PCDHAC1: variants seen among roughly 807,000 people sequenced by gnomAD.
PCDHAC1 encodes protocadherin alpha-C1.
A neutral mutation model predicts 60.0 loss-of-function variants in PCDHAC1; 42 were observed. The ratio of observed to expected loss-of-function variants is 0.70; its 90% CI spans 0.55 to 0.90. PCDHAC1 has a LOEUF of 0.90. PCDHAC1 is among the 40% of genes least tolerant of loss of function. The pLI is 0.00. For missense variants in PCDHAC1, 1,160 were observed against 1,222.3 expected, an observed-to-expected ratio of 0.95 and a Z score of 0.76; for synonymous variants, 468 against 499.3, an observed-to-expected ratio of 0.94 and a Z score of 0.84.
rs538024116 is a variant in PCDHAC1 at position 140,945,235 on chromosome 5, T to C, written c.2433+15910T>C. Among the ~76,000 whole-genome samples the C allele has an allele frequency of 1.1e-4, 17 of 152,128 alleles. No homozygotes were observed. In the South Asian group the frequency reaches 3.5e-3, roughly 32 times the overall value. On this transcript the variant is annotated intron_variant, in intron 1 of 3. Coordinates refer to ENST00000253807, the MANE Select transcript of PCDHAC1 (RefSeq NM_018898.5). ...GAAAATAAAAATACTTAGGAATAAA[T>C]TTAACCAAGAGGATGAAAGACCTGC...
chr5:140,988,444 A>G (rs1554250146), intron 3 of PCDHAC1, among the ~76,000 whole-genome samples: 1 of 152,112 alleles, frequency 6.6e-6, no homozygotes, highest in Non-Finnish European at 1.5e-5. Flanking sequence ...GATTGACCTG[A>G]AGGGAGGAAG....
At chr5:140,941,195 C>T (rs1337267572) in intron 1 of PCDHAC1, among the ~76,000 whole-genome samples, 39 of 106,424 alleles carry the variant, frequency 3.7e-4, no homozygotes, top group Non-Finnish European at 4.9e-4. Context: ...CTTTTTTTTT[C>T]TTTCTTCCTT....
At chr5:140,938,214 G>C (rs2091981626) in intron 1 of PCDHAC1, among the ~76,000 whole-genome samples, 1 of 152,148 alleles carries the variant, frequency 6.6e-6, no homozygotes, top group Non-Finnish European at 1.5e-5. Context: ...CCAAAGTGCT[G>C]GGATTACAGG....
chr5:140,930,668 T>C (rs2087022080), intron 1 of PCDHAC1, among the ~76,000 whole-genome samples: 1 of 152,216 alleles, frequency 6.6e-6, no homozygotes, highest in South Asian at 2.1e-4. Flanking sequence ...GTTTTACTAT[T>C]CTAGGCAATA....
chr5:141,004,336 G>A (rs1554259546), intron 3 of PCDHAC1, among the ~76,000 whole-genome samples: 1 of 152,224 alleles, frequency 6.6e-6, no homozygotes, highest in East Asian at 1.9e-4. Flanking sequence ...AGGCACAGTG[G>A]TCTGTGAGGG....
intron 3 of PCDHAC1, among the ~76,000 whole-genome samples, chr5:140,988,691 G>A (rs1205492528): frequency 6.6e-6 from 1 of 152,114 alleles, no homozygotes; most frequent in African/African-American, 2.4e-5. Context: ...TTCCCTAGAC[G>A]CTCTGTATTT....
chr5:140,974,661 G>A (rs542677478), intron 1 of PCDHAC1, among the ~76,000 whole-genome samples: 4 of 152,066 alleles, frequency 2.6e-5, no homozygotes, highest in South Asian at 4.2e-4. Context: ...ACAGGCATGC[G>A]CCACCATGCC....
chr5:140,984,426 G>A (rs781888913), intron 3 of PCDHAC1, among the ~76,000 whole-genome samples: 2 of 152,160 alleles, frequency 1.3e-5, no homozygotes, highest in South Asian at 2.1e-4. Flanking sequence ...AGATAGAGAA[G>A]GGGATCTCCC....
At chr5:140,972,625 G>A (rs2096544051) in intron 1 of PCDHAC1, among the ~76,000 whole-genome samples, 1 of 151,044 alleles carries the variant, frequency 6.6e-6, no homozygotes, top group African/African-American at 2.4e-5. Flanking sequence ...AATGTTGTTG[G>A]CACTCCCTTC....
At chr5:140,954,831 C>CCT (rs2095096167) in intron 1 of PCDHAC1, among the ~76,000 whole-genome samples, 1 of 152,116 alleles carries the variant, frequency 6.6e-6, no homozygotes, top group Admixed American at 6.5e-5. Flanking sequence ...GCACTTTTGT[C>CCT]ATGAAATCTT....
chr5:140,928,801 G>C lies in PCDHAC1; in HGVS notation c.1909G>C (p.Val637Leu). The C allele has an allele frequency of 6.2e-7, 1 of 1,614,184 alleles. No individual in the cohort carries two copies. Among genetic ancestry groups the C allele is most frequent in the Non-Finnish European group, 8.5e-7 (1 of 1,180,046 alleles). Reference sequence around the variant, plus strand: ...TGCAGTTAAGCAGAGGGTGGTGGTAGTGGTTCGGGACCATGGAGACCCACC... The same window carrying C: ...TGCAGTTAAGCAGAGGGTGGTGGTACTGGTTCGGGACCATGGAGACCCACC... ...TDAVKQRVVV[V>L]VRDHGDPPLS... is the part of the protein sequence containing the mutation. The change falls in exon 1 of 4, where the codon GTG becomes CTG. Residue 637 changes from valine (V) to leucine (L), a missense_variant. This residue lies in a region of PCDHAC1 where 1,113 missense variants were observed against 1,163.7 expected (regional missense o/e 0.96). Coordinates refer to ENST00000253807, the MANE Select transcript of PCDHAC1 (RefSeq NM_018898.5).
intron 1 of PCDHAC1, among the ~76,000 whole-genome samples, chr5:140,947,554 G>T (rs977454594): frequency 1.3e-5 from 2 of 151,358 alleles, no homozygotes; most frequent in Non-Finnish European, 3.0e-5. Flanking sequence ...AATTCCGCTG[G>T]GATTTATATT....
In PCDHAC1 at chr5:140,950,041, A is replaced by G. The variant is rs139296187; in HGVS notation, c.2433+20716A>G. Among the ~76,000 whole-genome samples, 1,151 of 152,070 alleles carry G rather than the reference A, an allele frequency of 7.6e-3. 13 individuals carry two copies. The highest frequency in any genetic ancestry group is 0.01 in the Non-Finnish European group (711 of 67,812). On this transcript the variant is annotated intron_variant, in intron 1 of 3. Transcript: ENST00000253807. ...CATAAAATATAGAAAAGTTACAACC[A>G]TATAAGACTATTTAGCTCTTCCTGT... is the stretch of plus-strand genomic sequence containing the variant.
Position 141,010,435 on chromosome 5 carries a change from A to C in PCDHAC1, c.*498A>C. 1 of 1,039,068 alleles carries C rather than the reference A, an allele frequency of 9.6e-7. No individual in the cohort carries two copies. The highest frequency in any genetic ancestry group is 1.4e-6 in the Non-Finnish European group (1 of 739,892). The allele number at this position is 1,039,068 out of a possible 1,614,324, so 64.4% of individuals were successfully genotyped here. A position where few individuals can be genotyped will look rare whatever the true frequency, so the allele number is the denominator to read the frequency against. On this transcript the variant is annotated 3_prime_UTR_variant, in exon 4 of 4. Transcript: ENST00000253807. ...TGGTACAAGGAAGGCAAGAAAACAA[A>C]GACAAATAAACAGCGGAAGTTATCA...
rs1554206164 is a variant in PCDHAC1 at position 140,928,691 on chromosome 5, T to C, written c.1799T>C (p.Ile600Thr). The C allele has an allele frequency of 6.2e-7, 1 of 1,614,148 alleles. No individual in the cohort carries two copies. Among genetic ancestry groups the C allele is most frequent in the East Asian group, 2.2e-5 (1 of 44,880 alleles). Residue 600 changes from isoleucine to threonine, a missense_variant, in exon 1 of 4, where the codon ATC becomes ACC. Around this residue, in one of 3 missense-constraint regions of PCDHAC1, gnomAD observed 1,113 missense variants for 1,163.7 expected, o/e 0.96. Transcript: ENST00000253807. ...SGSNAWLSYH[I>T]SRASDSSLFR... ...TCTAATGCCTGGCTTTCCTACCACA[T>C]CTCCCGGGCGTCTGACTCTAGTCTC...
chr5:141,002,853 G>C (rs781830862), intron 3 of PCDHAC1, among the ~76,000 whole-genome samples: 1 of 152,184 alleles, frequency 6.6e-6, no homozygotes, highest in Non-Finnish European at 1.5e-5. Context: ...ACTAGTGAGA[G>C]AACCAGGGCA....
At chr5:140,944,439 G>A (rs1022400391) in intron 1 of PCDHAC1, among the ~76,000 whole-genome samples, 7 of 152,022 alleles carry the variant, frequency 4.6e-5, no homozygotes, top group African/African-American at 1.2e-4. Context: ...TGCCTGCCTC[G>A]GCCTCCCAAA....
chr5:140,966,057 G>A (rs2153745793), intron 1 of PCDHAC1, among the ~76,000 whole-genome samples: 1 of 152,318 alleles, frequency 6.6e-6, no homozygotes, highest in East Asian at 1.9e-4. Flanking sequence ...TAACCCCAGA[G>A]CGCCTCCCCC....
intron 3 of PCDHAC1, among the ~76,000 whole-genome samples, chr5:140,989,910 G>A (rs941838001): frequency 3.3e-5 from 5 of 152,062 alleles, no homozygotes; most frequent in African/African-American, 1.2e-4. Flanking sequence ...ATCAGAAAAA[G>A]AGGGAGAGCA....
Sources: gnomAD v4.1 joint callset for allele counts (sites outside exome capture counted in the v4.1 genomes callset) on GRCh38, gnomAD v4.1.1 for gene constraint, gnomAD v4.1.1 regional missense constraint, MANE v1.5 for transcripts, NCBI Gene and HGNC (gene_info 2026-07-23, HGNC 2026-07-21) for gene names.